Variants in NRXN3 observed in about 807,000 individuals in gnomAD.
NRXN3 encodes the protein neurexin 3, also known as neurexin III.
NRXN3 carries 32 observed loss-of-function variants against 137.6 expected under a neutral mutation model. The observed-to-expected ratio is 0.23, with a 90% CI of 0.18 to 0.31. The LOEUF is 0.31. Ranked by LOEUF, NRXN3 falls within the 10% of genes least tolerant of loss-of-function variation. NRXN3 has a pLI of 1.00. For synonymous variants in NRXN3, 798 were observed against 784.5 expected, an observed-to-expected ratio of 1.02 and a Z score of -0.29; for missense variants, 1,574 against 2,062.5, an observed-to-expected ratio of 0.76 and a Z score of 4.59.
chr14:79,257,373 G>C (rs865899302), intron 15 of NRXN3, among the ~76,000 whole-genome samples: 1 of 104,658 alleles, frequency 9.6e-6, no homozygotes, highest in Non-Finnish European at 2.1e-5. Flanking sequence ...GGTGGTGGTG[G>C]TGGTGGTGGT....
chr14:79,673,046 C>T (rs1041984003), intron 17 of NRXN3, among the ~76,000 whole-genome samples: 16 of 151,916 alleles, frequency 1.1e-4, no homozygotes, highest in African/African-American at 3.6e-4. Context: ...ATCACTCAAT[C>T]GATTGTAATC....
At chr14:79,498,017 G>A (rs535771464) in intron 16 of NRXN3, among the ~76,000 whole-genome samples, 11 of 152,238 alleles carry the variant, frequency 7.2e-5, no homozygotes, top group Non-Finnish European at 1.2e-4. Flanking sequence ...CTAGGCAACA[G>A]AGCGAGATTC....
intron 4 of NRXN3, among the ~76,000 whole-genome samples, chr14:78,368,293 G>A (rs1465416377): frequency 2.0e-5 from 3 of 152,198 alleles, no homozygotes; most frequent in East Asian, 1.9e-4. Flanking sequence ...GGTATGGAGC[G>A]TGGAAATAAA....
chr14:79,027,662 T>C (rs2099600847), intron 15 of NRXN3, among the ~76,000 whole-genome samples: 1 of 152,166 alleles, frequency 6.6e-6, no homozygotes, highest in South Asian at 2.1e-4. Context: ...AGCCACCAGA[T>C]TAACTACATA....
chr14:78,729,711 C>T (rs2098505469), intron 8 of NRXN3, among the ~76,000 whole-genome samples: 1 of 152,156 alleles, frequency 6.6e-6, no homozygotes, highest in African/African-American at 2.4e-5. Context: ...CATGCACATG[C>T]ACACACATGC....
At chr14:78,906,939 C>T (rs949607883) in intron 10 of NRXN3, among the ~76,000 whole-genome samples, 2 of 151,886 alleles carry the variant, frequency 1.3e-5, no homozygotes, top group East Asian at 3.9e-4. Flanking sequence ...GCAATAACTG[C>T]AGCCAACAGA....
At position 79,757,153 on chromosome 14, in the gene NRXN3, G is replaced by A. The variant is rs75836214; in HGVS notation, c.4015-47959G>A. On this transcript the variant is annotated intron_variant, in intron 19 of 20. Transcript: ENST00000335750. ...TGGGTTCACTACACCTCTCCAAGCC[G>A]TCTGATTAATTGCAGCTGTGTGCAA... Among the ~76,000 whole-genome samples the A allele has an allele frequency of 1.7e-4, 26 of 152,262 alleles. 1 individual carries two copies. Among genetic ancestry groups the A allele is most frequent in the East Asian group, 1.5e-3 (8 of 5,186 alleles).
intron 1 of NRXN3, among the ~76,000 whole-genome samples, chr14:78,205,039 G>A (rs1299530213): frequency 6.6e-6 from 1 of 152,206 alleles, no homozygotes; most frequent in Non-Finnish European, 1.5e-5. Flanking sequence ...GGGGGCACAG[G>A]TAGTGCAGGA....
At chr14:78,274,340 C>T (rs1443046678) in intron 2 of NRXN3, among the ~76,000 whole-genome samples, 1 of 152,130 alleles carries the variant, frequency 6.6e-6, no homozygotes, top group Non-Finnish European at 1.5e-5. Flanking sequence ...GCAAACATGT[C>T]CTTCACATGG....
At chr14:78,767,183 G>A (rs963916549) in intron 8 of NRXN3, among the ~76,000 whole-genome samples, 2 of 152,116 alleles carry the variant, frequency 1.3e-5, no homozygotes, top group Non-Finnish European at 2.9e-5. Flanking sequence ...AAGCTCACAC[G>A]GTTAGCAGGA....
At chr14:79,668,518 C>T (rs1393855644) in intron 17 of NRXN3, among the ~76,000 whole-genome samples, 1 of 152,120 alleles carries the variant, frequency 6.6e-6, no homozygotes, top group East Asian at 1.9e-4. Context: ...CCTCAGACTG[C>T]ACAGCCTCAA....
At chr14:78,958,364 T>TC (rs1303157911) in intron 11 of NRXN3, among the ~76,000 whole-genome samples, 3 of 150,972 alleles carry the variant, frequency 2.0e-5, no homozygotes, top group African/African-American at 4.9e-5. Context: ...TTTCTTTCTT[T>TC]TTTTTTTTTT....
chr14:78,378,425 C>T (rs1246246680), intron 4 of NRXN3, among the ~76,000 whole-genome samples: 1 of 146,474 alleles, frequency 6.8e-6, no homozygotes, highest in Non-Finnish European at 1.5e-5. Context: ...GTGGATGTTG[C>T]AGAGAGCCAA....
intron 19 of NRXN3, among the ~76,000 whole-genome samples, chr14:79,739,841 T>G (rs981030051): frequency 7.2e-5 from 11 of 152,170 alleles, no homozygotes; most frequent in African/African-American, 2.6e-4. Flanking sequence ...CAAATAAACC[T>G]GTTTCAAAGA....
In NRXN3 at chr14:79,867,399, C is replaced by G. The variant is rs1265999817; in HGVS notation, c.*5435C>G. The G allele has an allele frequency of 6.6e-6, 1 of 152,200 alleles. No individual in the cohort carries two copies. Among genetic ancestry groups the G allele is most frequent in the Non-Finnish European group, 1.5e-5 (1 of 68,054 alleles). 9.4% of individuals were successfully genotyped at this position (152,200 alleles called of 1,614,324 possible). A position where few individuals can be genotyped will look rare whatever the true frequency, so the allele number is the denominator to read the frequency against. ...ATCAAAGTTTGTTAGGGCTCAGTTTCTGGGAAGGGCTCTCTTCCTGGCTTG... is the reference window on the plus strand; with the variant it reads ...ATCAAAGTTTGTTAGGGCTCAGTTTGTGGGAAGGGCTCTCTTCCTGGCTTG... On this transcript the variant is annotated 3_prime_UTR_variant, in exon 21 of 21. Transcript: ENST00000335750.
At chr14:78,718,769 T>G (rs2098446075) in intron 8 of NRXN3, among the ~76,000 whole-genome samples, 1 of 152,234 alleles carries the variant, frequency 6.6e-6, no homozygotes, top group African/African-American at 2.4e-5. Context: ...CTATCCCAAC[T>G]GTTTAGCTCT....
chr14:78,819,968 A>G (rs1002315735), intron 10 of NRXN3, among the ~76,000 whole-genome samples: 4 of 152,102 alleles, frequency 2.6e-5, no homozygotes, highest in African/African-American at 9.7e-5. Context: ...CCCTCAGTGG[A>G]GCTCCTGAGC....
intron 8 of NRXN3, among the ~76,000 whole-genome samples, chr14:78,757,902 A>T (rs935842969): frequency 6.6e-6 from 1 of 152,200 alleles, no homozygotes; most frequent in Non-Finnish European, 1.5e-5. Flanking sequence ...ATAAACCTAA[A>T]CTTCCAAAAT....
intron 15 of NRXN3, among the ~76,000 whole-genome samples, chr14:79,099,533 A>T (rs190365331): frequency 1.3e-5 from 2 of 152,180 alleles, no homozygotes; most frequent in Non-Finnish European, 2.9e-5. Context: ...TTAAAATGTT[A>T]TGGGGAAGCT....
Sources: allele counts gnomAD v4.1 joint callset (sites outside exome capture counted in the v4.1 genomes callset), GRCh38; gene constraint gnomAD v4.1.1; transcripts MANE v1.5; gene names NCBI Gene and HGNC (gene_info 2026-07-23, HGNC 2026-07-21).